The following TRABD2B variants were observed in gnomAD, a reference collection of about 807,000 sequenced individuals.
TRABD2B encodes TraB domain containing 2B.
Under a neutral mutation model 40.1 loss-of-function variants are expected in TRABD2B, and 14 were observed. That is an observed-to-expected ratio of 0.35 (90% CI 0.23 to 0.55). The LOEUF (loss-of-function observed/expected upper bound fraction) is 0.55. Among genes scored for constraint, TRABD2B ranks in the 20% least tolerant of loss-of-function variants. The pLI is 0.90. For missense variants in TRABD2B, 541 were observed against 648.6 expected, an observed-to-expected ratio of 0.83 and a Z score of 1.80; for synonymous variants, 263 against 277.0, an observed-to-expected ratio of 0.95 and a Z score of 0.50.
intron 2 of TRABD2B, among the ~76,000 whole-genome samples, chr1:47,976,164 T>C (rs982627562): frequency 6.6e-6 from 1 of 152,214 alleles, no homozygotes; most frequent in African/African-American, 2.4e-5. Context: ...CTGCCTGCTC[T>C]AAAAGGTCTT....
intron 2 of TRABD2B, among the ~76,000 whole-genome samples, chr1:47,844,040 A>G (rs1269866274): frequency 6.6e-6 from 1 of 152,226 alleles, no homozygotes; most frequent in Non-Finnish European, 1.5e-5. Context: ...GAACCCCACA[A>G]GGAAAAGCTG....
intron 2 of TRABD2B, among the ~76,000 whole-genome samples, chr1:47,926,599 G>A (rs1644972316): frequency 6.6e-6 from 1 of 152,164 alleles, no homozygotes; most frequent in Non-Finnish European, 1.5e-5. Context: ...CTCCCATGCT[G>A]TGGGATAAGA....
At chr1:47,870,507 G>T (rs972662497) in intron 2 of TRABD2B, among the ~76,000 whole-genome samples, 2 of 152,150 alleles carry the variant, frequency 1.3e-5, no homozygotes, top group African/African-American at 4.8e-5. Context: ...ACCTATGTCT[G>T]TCTGTGTCTT....
intron 2 of TRABD2B, among the ~76,000 whole-genome samples, chr1:47,809,619 T>A (rs1176125491): frequency 6.6e-6 from 1 of 152,202 alleles, no homozygotes; most frequent in Non-Finnish European, 1.5e-5. Flanking sequence ...TGGCTGAGAT[T>A]TATTTATTTA....
chr1:47,974,713 G>A (rs79188758), intron 2 of TRABD2B, among the ~76,000 whole-genome samples: 2,612 of 152,272 alleles, frequency 0.017, 79 homozygotes, highest in African/African-American at 0.059. Context: ...TTAGGAATGG[G>A]TTGTTCACAG....
chr1:47,995,457 G>C (rs947462055), intron 1 of TRABD2B, among the ~76,000 whole-genome samples: 1 of 151,994 alleles, frequency 6.6e-6, no homozygotes, highest in African/African-American at 2.4e-5. Context: ...CCAGTTGTTT[G>C]TCATTTTCTA....
chr1:47,942,121 T>C (rs1399656239), intron 2 of TRABD2B, among the ~76,000 whole-genome samples: 1 of 152,214 alleles, frequency 6.6e-6, no homozygotes, highest in Non-Finnish European at 1.5e-5. Context: ...GGAGTAAATC[T>C]GACTGCATTA....
At chr1:47,845,219 G>C (rs1253294713) in intron 2 of TRABD2B, among the ~76,000 whole-genome samples, 1 of 152,178 alleles carries the variant, frequency 6.6e-6, no homozygotes, top group Non-Finnish European at 1.5e-5. Flanking sequence ...GAAAGAGCAT[G>C]TCCGTTAGCA....
At chr1:47,955,304 CT>C (rs1197286763) in intron 2 of TRABD2B, among the ~76,000 whole-genome samples, 1 of 152,214 alleles carries the variant, frequency 6.6e-6, no homozygotes, top group Non-Finnish European at 1.5e-5. Context: ...TCCCCAGTCC[CT>C]TTCTCCTTCC....
chr1:47,936,160 C>G (rs1035413882), intron 2 of TRABD2B, among the ~76,000 whole-genome samples: 4 of 152,184 alleles, frequency 2.6e-5, no homozygotes. Flanking sequence ...ACAGACTCAG[C>G]TGAATGCAAA....
chr1:47,812,921 A>C (rs1644984507), intron 2 of TRABD2B, among the ~76,000 whole-genome samples: 1 of 152,136 alleles, frequency 6.6e-6, no homozygotes, highest in African/African-American at 2.4e-5. Flanking sequence ...ACAGTAGACA[A>C]GTCACCTGTG....
intron 2 of TRABD2B, among the ~76,000 whole-genome samples, chr1:47,844,344 C>T (rs936588447): frequency 6.6e-6 from 1 of 152,186 alleles, no homozygotes; most frequent in Non-Finnish European, 1.5e-5. Context: ...CCTTCTTATA[C>T]GAGGTCCATA....
At chr1:47,787,772 G>GCATT (rs60604586) in intron 4 of TRABD2B, among the ~76,000 whole-genome samples, 10,746 of 151,814 alleles carry the variant, frequency 0.071, 506 homozygotes, top group African/African-American at 0.13. Flanking sequence ...CAGGGTTGGT[G>GCATT]CATTCATTCA....
intron 4 of TRABD2B, among the ~76,000 whole-genome samples, chr1:47,790,036 C>T (rs1461843647): frequency 6.6e-6 from 1 of 152,022 alleles, no homozygotes; most frequent in African/African-American, 2.4e-5. Context: ...CTGCTTCCCA[C>T]CATCATCTTT....
chr1:47,956,392 T>A lies in TRABD2B; in HGVS notation c.666+37642A>T, dbSNP rs760241368. On this transcript the variant is annotated intron_variant, in intron 2 of 6. Transcript: ENST00000606738. ...TGGGTGCAGCCCATGGAGCATGAGCTGAAGCAGGGCGGGGCATCGCCTCAC... is the reference window on the plus strand; with the variant it reads ...TGGGTGCAGCCCATGGAGCATGAGCAGAAGCAGGGCGGGGCATCGCCTCAC... 4.5e-4 allele frequency among the ~76,000 whole-genome samples: 69 copies of A among 152,172 alleles called. 2 individuals are homozygous for A. Among genetic ancestry groups the A allele is most frequent in the Admixed American group, 8.5e-4 (13 of 15,284 alleles).
chr1:47,857,682 G>A (rs147052643), intron 2 of TRABD2B, among the ~76,000 whole-genome samples: 1 of 152,074 alleles, frequency 6.6e-6, no homozygotes, highest in African/African-American at 2.4e-5. Context: ...AGGCCTCCAA[G>A]AATAATGAAA....
In TRABD2B at chr1:47,874,585, T is replaced by TA. The variant is rs1368412104; in HGVS notation, c.667-72967dup. On this transcript the variant is annotated intron_variant, in intron 2 of 6. Transcript: ENST00000606738. ...CCGCGCCCGGCCTTTTTTTTTTTTTTAAGAGACAAGGTCTCCCTGTTGCTC... is the reference window on the plus strand; with the variant it reads ...CCGCGCCCGGCCTTTTTTTTTTTTTTAAAGAGACAAGGTCTCCCTGTTGCTC... Among the ~76,000 whole-genome samples the TA allele has an allele frequency of 4.4e-3, 660 of 148,934 alleles. 6 individuals are homozygous for TA. Among genetic ancestry groups the TA allele is most frequent in the African/African-American group, 0.016 (648 of 40,322 alleles).
intron 2 of TRABD2B, among the ~76,000 whole-genome samples, chr1:47,973,847 T>A (rs1481581822): frequency 6.6e-6 from 1 of 152,216 alleles, no homozygotes; most frequent in Non-Finnish European, 1.5e-5. Context: ...CTCACACCTA[T>A]AATCCCAGCA....
intron 2 of TRABD2B, among the ~76,000 whole-genome samples, chr1:47,980,161 T>C (rs1377214878): frequency 1.3e-5 from 2 of 152,192 alleles, no homozygotes; most frequent in Non-Finnish European, 2.9e-5. Context: ...GTTCTCCACA[T>C]GTGAGTGTTA....
Sources: gnomAD v4.1 joint callset for allele counts (sites outside exome capture counted in the v4.1 genomes callset) on GRCh38, gnomAD v4.1.1 for gene constraint, MANE v1.5 for transcripts, NCBI Gene and HGNC (gene_info 2026-07-23, HGNC 2026-07-21) for gene names.